ISM1: variants seen among roughly 807,000 people sequenced by gnomAD.
The protein encoded by ISM1 is isthmin 1.
In ISM1, 25 loss-of-function variants were observed where a neutral mutation model predicts 46.3. The ratio of observed to expected loss-of-function variants is 0.54; its 90% CI spans 0.39 to 0.75. The LOEUF (loss-of-function observed/expected upper bound fraction) is 0.75. Among genes scored for constraint, ISM1 ranks in the 30% least tolerant of loss-of-function variants. The pLI is 0.00. For synonymous variants in ISM1, 255 were observed against 256.7 expected, an observed-to-expected ratio of 0.99 and a Z score of 0.06; for missense variants, 536 against 625.4, an observed-to-expected ratio of 0.86 and a Z score of 1.52.
chr20:13,254,254 T>TAAAG (rs749183257), intron 1 of ISM1, among the ~76,000 whole-genome samples: 3 of 151,306 alleles, frequency 2.0e-5, no homozygotes, highest in Non-Finnish European at 4.4e-5. Flanking sequence ...AATAAATAAA[T>TAAAG]AAAGCAAATG....
chr20:13,298,499 G>A (rs1319256009), intron 5 of ISM1, among the ~76,000 whole-genome samples: 1 of 152,122 alleles, frequency 6.6e-6, no homozygotes, highest in African/African-American at 2.4e-5. Context: ...GGTTATCTAG[G>A]AAAATATCCT....
chr20:13,317,252 A>T, the ISM1 span, among the ~76,000 whole-genome samples: 1 of 151,868 alleles, frequency 6.6e-6, no homozygotes. Context: ...ACACCAAAAA[A>T]ACAAAACAAA....
chr20:13,304,035 C>A (rs1414924371), downstream of ISM1, among the ~76,000 whole-genome samples: 1 of 152,200 alleles, frequency 6.6e-6, no homozygotes, highest in Non-Finnish European at 1.5e-5. Context: ...GGCTCTGCCA[C>A]CATCAAGGTA....
chr20:13,289,078 G>A (rs1447282969), intron 4 of ISM1, among the ~76,000 whole-genome samples: 2 of 152,200 alleles, frequency 1.3e-5, no homozygotes, highest in African/African-American at 4.8e-5. Flanking sequence ...GAGGCAAGAT[G>A]TAACTACTTT....
At chr20:13,285,319 A>G (rs1197779614) in intron 3 of ISM1, among the ~76,000 whole-genome samples, 1 of 152,008 alleles carries the variant, frequency 6.6e-6, no homozygotes, top group Non-Finnish European at 1.5e-5. Context: ...GAAAGGAAAA[A>G]AAAAGCCAAC....
intron 1 of ISM1, among the ~76,000 whole-genome samples, chr20:13,262,465 CTTTTTT>C (rs536983518): frequency 3.4e-5 from 5 of 145,160 alleles, no homozygotes; most frequent in African/African-American, 1.3e-4. Flanking sequence ...TTTTCTTTTT[CTTTTTT>C]TTTTTGGCCT....
At chr20:13,267,944 G>A (rs987662286) in intron 1 of ISM1, among the ~76,000 whole-genome samples, 17 of 152,194 alleles carry the variant, frequency 1.1e-4, no homozygotes, top group Non-Finnish European at 2.4e-4. Context: ...TCCTGCACAA[G>A]AAATTCTCCA....
chr20:13,309,237 A>C, the ISM1 span, among the ~76,000 whole-genome samples: 1 of 152,102 alleles, frequency 6.6e-6, no homozygotes, highest in African/African-American at 2.4e-5. Context: ...GATGAATGAC[A>C]GTGAGTGGGT....
rs567407153 is a variant in ISM1, at chr20:13,269,974, T to C, written c.139-530T>C. Among the ~76,000 whole-genome samples, 402 of 152,142 alleles carry C rather than the reference T, an allele frequency of 2.6e-3. 1 individual carries two copies. Among genetic ancestry groups the C allele is most frequent in the Non-Finnish European group, 4.6e-3 (316 of 67,976 alleles). ...ATGGATGGATGGATGGATAGATGGA[T>C]ATGTGAATGGAGTATGGATGGGTTG... On this transcript the variant is annotated intron_variant, in intron 1 of 5. Transcript: ENST00000262487.
At chr20:13,280,402 C>CA (rs1164502096) in intron 3 of ISM1, among the ~76,000 whole-genome samples, 3 of 138,760 alleles carry the variant, frequency 2.2e-5, no homozygotes, top group African/African-American at 8.0e-5. Flanking sequence ...CCCCCCCCCC[C>CA]CAATACATTT....
the ISM1 span, among the ~76,000 whole-genome samples, chr20:13,316,188 C>A: frequency 6.6e-6 from 1 of 151,766 alleles, no homozygotes; most frequent in Non-Finnish European, 1.5e-5. Flanking sequence ...AAATTGATAA[C>A]CTAAATGAAA....
intron 2 of ISM1, among the ~76,000 whole-genome samples, chr20:13,276,119 TA>T (rs1349116408): frequency 6.6e-6 from 1 of 152,254 alleles, no homozygotes; most frequent in East Asian, 1.9e-4. Flanking sequence ...AATCTGGATT[TA>T]AAACCCTTGT....
chr20:13,254,211 C>T (rs1275677859), intron 1 of ISM1, among the ~76,000 whole-genome samples: 1 of 151,252 alleles, frequency 6.6e-6, no homozygotes, highest in East Asian at 1.9e-4. Context: ...CCAGCCTGGG[C>T]GACAGAGCAA....
intron 3 of ISM1, among the ~76,000 whole-genome samples, chr20:13,280,707 T>C (rs2040230166): frequency 6.6e-6 from 1 of 152,100 alleles, no homozygotes; most frequent in Admixed American, 6.6e-5. Flanking sequence ...AGCCTGGAGG[T>C]GACACACATC....
intron 1 of ISM1, among the ~76,000 whole-genome samples, chr20:13,260,061 A>G (rs143980744): frequency 1.1e-3 from 160 of 152,348 alleles, no homozygotes; most frequent in African/African-American, 3.8e-3. Context: ...CCACAATTGC[A>G]TCAGCTGCCA....
At chr20:13,277,520 A>G (rs1452527703) in intron 2 of ISM1, among the ~76,000 whole-genome samples, 3 of 151,794 alleles carry the variant, frequency 2.0e-5, no homozygotes, top group African/African-American at 4.8e-5. Context: ...CTCCTTCTCC[A>G]CTTGTCTTTC....
rs7262695 is a variant in ISM1, at chr20:13,274,859, C to T, written c.378+4116C>T. On this transcript the variant is annotated intron_variant, in intron 2 of 5. Coordinates refer to ENST00000262487, the MANE Select transcript of ISM1 (RefSeq NM_080826.2). ...GAAGTGAGGAGGGGAAGAAAATGCG[C>T]AAAATAGAACAAAAATGGTCTCAGA... Among the ~76,000 whole-genome samples the T allele has an allele frequency of 3.8e-3, 585 of 152,228 alleles. 5 individuals are homozygous for T. The highest frequency in any genetic ancestry group is 0.014 in the African/African-American group (567 of 41,534).
intron 1 of ISM1, among the ~76,000 whole-genome samples, chr20:13,241,284 C>A (rs1409044138): frequency 6.6e-6 from 1 of 152,052 alleles, no homozygotes; most frequent in African/African-American, 2.4e-5. Context: ...ACAAATAAGT[C>A]TTGCAAAAGT....
At chr20:13,272,791 A>G (rs1274319170) in intron 2 of ISM1, among the ~76,000 whole-genome samples, 1 of 152,200 alleles carries the variant, frequency 6.6e-6, no homozygotes, top group Non-Finnish European at 1.5e-5. Context: ...GAAGGCACTG[A>G]CTTCATACCG....
Sources: allele counts gnomAD v4.1 joint callset (sites outside exome capture counted in the v4.1 genomes callset), GRCh38; gene constraint gnomAD v4.1.1; transcripts MANE v1.5; gene names NCBI Gene and HGNC (gene_info 2026-07-23, HGNC 2026-07-21).